The following NXN variants were observed in gnomAD, a reference collection of about 807,000 sequenced individuals.
NXN encodes nucleoredoxin.
Under a neutral mutation model 48.6 loss-of-function variants are expected in NXN, and 16 were observed. That is an observed-to-expected ratio of 0.33 (90% confidence interval 0.22 to 0.50). NXN has a LOEUF of 0.50. NXN is among the 20% of genes least tolerant of loss of function. The pLI is 0.98. For missense variants in NXN, 492 were observed against 605.5 expected, an observed-to-expected ratio of 0.81 and a Z score of 1.97; for synonymous variants, 281 against 269.6, an observed-to-expected ratio of 1.04 and a Z score of -0.41.
intron 1 of NXN, among the ~76,000 whole-genome samples, chr17:945,586 G>C (rs1045117262): frequency 2.0e-5 from 3 of 148,036 alleles, no homozygotes; most frequent in Non-Finnish European, 3.0e-5. Context: ...AGCCGAGATC[G>C]TGCCACTGCA....
At position 979,742 on chromosome 17, in the gene NXN, A is replaced by AGGCGGC. The variant is rs1555523177; in HGVS notation, c.-70_-65dup. The AGGCGGC allele has an allele frequency of 1.8e-4, 224 of 1,239,156 alleles. No individual in the cohort carries two copies. The African/African-American group carries it at 3.1e-3, about 17-fold the overall frequency. The allele number at this position is 1,239,156 out of a possible 1,614,324, so 76.8% of individuals were successfully genotyped here. On this transcript the variant is annotated 5_prime_UTR_variant, in exon 1 of 8. Coordinates refer to ENST00000336868, the MANE Select transcript of NXN (RefSeq NM_022463.5). ...GCTCCACGGTCCGCGCGGCGGGAGG[A>AGGCGGC]GGCGGCGGCGTCGGCGGCAGGCGCT...
chr17:942,448 C>A (rs2068987818), intron 1 of NXN, among the ~76,000 whole-genome samples: 1 of 57,490 alleles, frequency 1.7e-5, no homozygotes, highest in African/African-American at 6.1e-5. Context: ...TTACAGTGAA[C>A]AAGATTCCAG....
At chr17:827,481 G>A (rs1913184406) in intron 1 of NXN, among the ~76,000 whole-genome samples, 2 of 152,280 alleles carry the variant, frequency 1.3e-5, no homozygotes, top group African/African-American at 4.8e-5. Context: ...AAATTAGCCG[G>A]GCGTGGTGGC....
chr17:856,311 G>T lies in NXN; in HGVS notation c.361-30233C>A, dbSNP rs187681316. ...AGGAGACGGACATTCTAAAGTCAAAGCCTCTGCAAACACAAAACAAACTCC... is the reference window on the plus strand; with the variant it reads ...AGGAGACGGACATTCTAAAGTCAAATCCTCTGCAAACACAAAACAAACTCC... On this transcript the variant is annotated intron_variant, in intron 1 of 7. Transcript: ENST00000336868. Among the ~76,000 whole-genome samples, 11 of 152,108 alleles carry T rather than the reference G, an allele frequency of 7.2e-5. No individual in the cohort carries two copies. The East Asian group carries it at 1.7e-3, about 24-fold the overall frequency.
chr17:935,612 G>A (rs541803798), intron 1 of NXN, among the ~76,000 whole-genome samples: 2 of 152,292 alleles, frequency 1.3e-5, no homozygotes, highest in East Asian at 3.9e-4. Flanking sequence ...TGTTTACTGA[G>A]CGTCTACTGT....
intron 1 of NXN, among the ~76,000 whole-genome samples, chr17:884,370 A>G (rs2068320394): frequency 6.6e-6 from 1 of 152,072 alleles, no homozygotes; most frequent in African/African-American, 2.4e-5. Context: ...GCACCACTGC[A>G]CTCCAGCCTG....
chr17:895,271 C>T (rs1597220556), intron 1 of NXN, among the ~76,000 whole-genome samples: 1 of 151,848 alleles, frequency 6.6e-6, no homozygotes, highest in East Asian at 2.0e-4. Context: ...CCTGCCCCAG[C>T]CTCCCAAAGT....
At chr17:823,905 T>A (rs1178000510) in intron 2 of NXN, 140 bp from the exon 3 acceptor site, 2 of 729,456 alleles carry the variant, frequency 2.7e-6, no homozygotes, top group Admixed American at 5.5e-5. Flanking sequence ...GACAAGATAA[T>A]CATCAAACAG....
intron 1 of NXN, among the ~76,000 whole-genome samples, chr17:826,889 C>T (rs949405284): frequency 6.6e-6 from 1 of 152,216 alleles, no homozygotes; most frequent in African/African-American, 2.4e-5. Flanking sequence ...AGGAATAAAG[C>T]TGACAAAATG....
chr17:927,350 T>C (rs1287274691), intron 1 of NXN, among the ~76,000 whole-genome samples: 1 of 151,820 alleles, frequency 6.6e-6, no homozygotes, highest in Admixed American at 6.6e-5. Context: ...GGCTCACACC[T>C]GGAATCCCAG....
At chr17:925,474 C>T (rs1287600077) in intron 1 of NXN, among the ~76,000 whole-genome samples, 3 of 152,176 alleles carry the variant, frequency 2.0e-5, no homozygotes, top group Non-Finnish European at 4.4e-5. Context: ...CTGCAACCTC[C>T]GCCTCCCGGG....
intron 1 of NXN, among the ~76,000 whole-genome samples, chr17:913,958 G>A (rs2068660862): frequency 6.6e-6 from 1 of 152,130 alleles, no homozygotes; most frequent in Non-Finnish European, 1.5e-5. Context: ...GGAGTGCAGT[G>A]GCACAATCTT....
chr17:825,901 G>A lies in NXN; in HGVS notation c.478+60C>T, dbSNP rs1376049642. ...ACCGGTGGGACGGAGATTAGCCTAA[G>A]GGCATGGAGGAGGGAGGGCTGGGTA... On this transcript the variant is annotated intron_variant, in intron 2 of 7. Transcript: ENST00000336868. This position sits in a 1 kb window ranked among gnomAD's most constrained non-coding sequence, Gnocchi z 4.1. The A allele has an allele frequency of 9.3e-7, 1 of 1,075,656 alleles. No individual in the cohort carries two copies. The highest frequency in any genetic ancestry group is 1.6e-5 in the African/African-American group (1 of 64,198). 66.6% of individuals were successfully genotyped at this position (1,075,656 alleles called of 1,614,324 possible). A position where few individuals can be genotyped will look rare whatever the true frequency, so the allele number is the denominator to read the frequency against.
intron 1 of NXN, among the ~76,000 whole-genome samples, chr17:839,072 A>G (rs1257125947): frequency 2.0e-5 from 3 of 152,062 alleles, no homozygotes; most frequent in Admixed American, 2.0e-4. Flanking sequence ...TAATAACAAC[A>G]CTGCTTCGTC....
At chr17:896,948 T>G (rs980501250) in intron 1 of NXN, 4 of 1,223,740 alleles carry the variant, frequency 3.3e-6, no homozygotes, top group Middle Eastern at 4.4e-4. Context: ...GCCAGTCCCC[T>G]CCTAGGCCTG....
intron 1 of NXN, among the ~76,000 whole-genome samples, chr17:891,731 C>A (rs1257048854): frequency 6.6e-6 from 1 of 151,562 alleles, no homozygotes; most frequent in Non-Finnish European, 1.5e-5. Context: ...CTAAGCTAAC[C>A]CCACCATGCA....
chr17:894,897 G>T (rs951532189), intron 1 of NXN, among the ~76,000 whole-genome samples: 6 of 151,896 alleles, frequency 4.0e-5, no homozygotes, highest in African/African-American at 1.2e-4. Context: ...GCTGAAACGT[G>T]GGCACACCCA....
intron 1 of NXN, among the ~76,000 whole-genome samples, chr17:957,147 T>A (rs905991888): frequency 6.6e-6 from 1 of 151,866 alleles, no homozygotes; most frequent in Non-Finnish European, 1.5e-5. Context: ...GGCAACAACG[T>A]GCAAAGGTGA....
intron 1 of NXN, among the ~76,000 whole-genome samples, chr17:839,161 G>A (rs1483013852): frequency 1.3e-5 from 2 of 152,338 alleles, no homozygotes; most frequent in East Asian, 1.9e-4. Flanking sequence ...CAGGCCGGAC[G>A]CGGTGGCTCA....
Sources: allele counts gnomAD v4.1 joint callset (sites outside exome capture counted in the v4.1 genomes callset), GRCh38; gene constraint gnomAD v4.1.1; non-coding constraint Gnocchi (gnomAD v3.1); transcripts MANE v1.5; gene names NCBI Gene and HGNC (gene_info 2026-07-23, HGNC 2026-07-21).